The following CXCL10 variants were observed in gnomAD, a reference collection of about 807,000 sequenced individuals.
The protein encoded by CXCL10 is C-X-C motif chemokine 10.
Under a neutral mutation model 10.8 loss-of-function variants are expected in CXCL10, and 6 were observed. That is an observed-to-expected ratio of 0.55 (90% CI 0.30 to 1.09). The LOEUF is 1.09. Among genes scored for constraint, CXCL10 ranks in the 50% least tolerant of loss-of-function variants. CXCL10 has a pLI of 0.06. For synonymous variants in CXCL10, 35 were observed against 35.8 expected (o/e 0.98, Z 0.08); for missense variants, 114 against 114.3 (o/e 1.00, Z 0.01).
At position 76,021,833 on chromosome 4, in the gene CXCL10, G is replaced by A; in HGVS notation, c.*97C>T. The A allele has an allele frequency of 1.7e-6, 2 of 1,187,276 alleles. No individual in the cohort carries two copies. The highest frequency in any genetic ancestry group is 2.5e-6 in the Non-Finnish European group (2 of 796,194). 73.5% of individuals were successfully genotyped at this position (1,187,276 alleles called of 1,614,324 possible). On this transcript the variant is annotated 3_prime_UTR_variant, in exon 4 of 4. Transcript: ENST00000306602. ...GTAACTGCAAACTAAGAACAATTAT[G>A]GCTTGACATATACTCCATGTAGGGA...
chr4:76,022,087 G>A, intron 3 of CXCL10, 139 bp from the exon 4 acceptor site: 1 of 871,758 alleles, frequency 1.1e-6, no homozygotes, highest in Non-Finnish European at 1.9e-6. Flanking sequence ...GATTATAGGG[G>A]TTGCTTTTTT....
intron 1 of CXCL10, among the ~76,000 whole-genome samples, chr4:76,023,162 T>C (rs1214867217): frequency 6.6e-6 from 1 of 152,180 alleles, no homozygotes; most frequent in African/African-American, 2.4e-5. Context: ...CTGTCCTCCT[T>C]CCCTTTTTCC....
intron 1 of CXCL10, 24 bp from the exon 2 acceptor site, chr4:76,022,841 A>G: frequency 1.2e-6 from 2 of 1,602,322 alleles, no homozygotes; most frequent in Non-Finnish European, 1.7e-6. Flanking sequence ...GGAACAGCAG[A>G]GAAGGTTAGC....
chr4:76,022,860 C>A (rs1323316771), intron 1 of CXCL10, 43 bp from the exon 2 acceptor site: 3 of 1,576,266 alleles, frequency 1.9e-6, no homozygotes, highest in South Asian at 2.3e-5. Context: ...GCACAGTGTT[C>A]ATTTTAGGCA....
At chr4:76,022,308 A>G (rs1474700718) in intron 3 of CXCL10, 58 bp downstream of exon 3, 6 of 1,381,446 alleles carry the variant, frequency 4.3e-6, no homozygotes, top group Admixed American at 1.7e-5. Context: ...AGTATTTCTG[A>G]CTCCCAAGAT....
chr4:76,022,620 T>G, intron 2 of CXCL10, 71 bp downstream of exon 2: 1 of 1,516,142 alleles, frequency 6.6e-7, no homozygotes, highest in Non-Finnish European at 9.0e-7. Flanking sequence ...TCTTTTTTTA[T>G]TATCATTACA....
chr4:76,021,582 T>G lies in CXCL10; in HGVS notation c.*348A>C, dbSNP rs1732816209. 1 of 236,824 alleles carries G rather than the reference T, an allele frequency of 4.2e-6. No homozygotes were observed. The highest frequency in any genetic ancestry group is 8.5e-5 in the East Asian group (1 of 11,788). 14.7% of individuals were successfully genotyped at this position (236,824 alleles called of 1,614,324 possible). On this transcript the variant is annotated 3_prime_UTR_variant, in exon 4 of 4. Transcript: ENST00000306602. ...TTATTTGAGATTCTGAGAATTCTGA[T>G]AAACCCCAAAGCAGAAAGATTCCTT...
chr4:76,022,800 T>G lies in CXCL10; in HGVS notation c.79A>C (p.Thr27Pro). 1 of 1,610,830 alleles carries G rather than the reference T, an allele frequency of 6.2e-7. No individual in the cohort carries two copies. Among genetic ancestry groups the G allele is most frequent in the Admixed American group, 1.7e-5 (1 of 60,004 alleles). Reference protein sequence around the residue: ...SGIQGVPLSRTVRCTCISISN... With the variant: ...SGIQGVPLSRPVRCTCISISN... ...ATGCTGATGCAGGTACAGCGTACAG[T>G]TCTAGAGAGAGGTACTCCTGTAGGA... Residue 27 changes from threonine (T) to proline (P), a missense_variant, in exon 2 of 4, where the codon ACT becomes CCT. Thr to Pro is a conservative substitution (Grantham distance 38, BLOSUM62 -1). Transcript: ENST00000306602.
At chr4:76,021,979 T>G (rs565041219) in intron 3 of CXCL10, 31 bp from the exon 4 acceptor site, 1 of 1,589,928 alleles carries the variant, frequency 6.3e-7, no homozygotes, top group African/African-American at 1.3e-5. Context: ...TATAAAAGTG[T>G]GATAGTCTGA....
intron 3 of CXCL10, 92 bp downstream of exon 3, chr4:76,022,274 G>A (rs1040514222): frequency 3.9e-6 from 4 of 1,038,066 alleles, no homozygotes; most frequent in African/African-American, 1.6e-5. Context: ...TTAAACCAGC[G>A]ATTGCACAGC....
At position 76,021,691 on chromosome 4, in the gene CXCL10, GC is replaced by G; in HGVS notation, c.*238del. 1 of 538,568 alleles carries G rather than the reference GC, an allele frequency of 1.9e-6. No individual in the cohort carries two copies. Among genetic ancestry groups the G allele is most frequent in the Non-Finnish European group, 3.3e-6 (1 of 300,198 alleles). The allele number at this position is 538,568 out of a possible 1,614,324, so 33.4% of individuals were successfully genotyped here. A position where few individuals can be genotyped will look rare whatever the true frequency, so the allele number is the denominator to read the frequency against. On this transcript the variant is annotated 3_prime_UTR_variant, in exon 4 of 4. Coordinates refer to ENST00000306602, the MANE Select transcript of CXCL10 (RefSeq NM_001565.4). ...ACTAAGAACATAGCACCTCAGTAGA[GC>G]TTACATTATAGTGCCAGGGTAGAGT...
At chr4:76,023,301 T>C in intron 1 of CXCL10, 70 bp downstream of exon 1, 1 of 1,208,814 alleles carries the variant, frequency 8.3e-7, no homozygotes. Flanking sequence ...ACATTATTTC[T>C]GTATTTTTAG....
chr4:76,022,495 T>C, intron 2 of CXCL10, 40 bp from the exon 3 acceptor site: 3 of 1,583,572 alleles, frequency 1.9e-6, no homozygotes, highest in Non-Finnish European at 2.6e-6. Context: ...TAAAACTGTG[T>C]TGGGTCAATA....
At position 76,023,365 on chromosome 4, in the gene CXCL10, C is replaced by G; in HGVS notation, c.61+6G>C. 1.2e-6 allele frequency: 2 copies of G among 1,606,336 alleles called. No individual in the cohort carries two copies. The highest frequency in any genetic ancestry group is 1.7e-6 in the Non-Finnish European group (2 of 1,173,060). Reference sequence around the variant, plus strand: ...TACAAATTAAGTATCCTTTGATGTTCCTTACCTTGAATGCCACTTAGAGTC... The same window carrying G: ...TACAAATTAAGTATCCTTTGATGTTGCTTACCTTGAATGCCACTTAGAGTC... On this transcript the variant is annotated splice_donor_region_variant and intron_variant, in intron 1 of 3. Coordinates refer to ENST00000306602, the MANE Select transcript of CXCL10 (RefSeq NM_001565.4).
At chr4:76,022,319 T>G (rs573246567) in intron 3 of CXCL10, 47 bp downstream of exon 3, 1 of 1,473,044 alleles carries the variant, frequency 6.8e-7, no homozygotes, top group East Asian at 2.3e-5. Context: ...CTCCCAAGAT[T>G]GCCGTTTCCT....
chr4:76,022,542 T>C, intron 2 of CXCL10, 87 bp from the exon 3 acceptor site: 1 of 1,485,924 alleles, frequency 6.7e-7, no homozygotes, highest in Non-Finnish European at 9.3e-7. Context: ...GTCAGACATT[T>C]AAGTTTCACT....
At chr4:76,022,967 T>C (rs1034228137) in intron 1 of CXCL10, 150 bp from the exon 2 acceptor site, 1 of 766,642 alleles carries the variant, frequency 1.3e-6, no homozygotes, top group African/African-American at 1.8e-5. Context: ...ATAACACAAC[T>C]GTAAATGATT....
At position 76,021,524 on chromosome 4, in the gene CXCL10, T is replaced by C. The variant is rs35795399; in HGVS notation, c.*406A>G. On this transcript the variant is annotated 3_prime_UTR_variant, in exon 4 of 4. Coordinates refer to ENST00000306602, the MANE Select transcript of CXCL10 (RefSeq NM_001565.4). ...GAAGTCCATGAAGTAAAGAGCATTC[T>C]TTAAAAAGCAGATTTGATTGCATAC... The C allele has an allele frequency of 0.015, 2,554 of 172,580 alleles. 34 individuals carry two copies. Among genetic ancestry groups the C allele is most frequent in the Non-Finnish European group, 0.022 (1,785 of 81,686 alleles). The allele number at this position is 172,580 out of a possible 1,614,324, so 10.7% of individuals were successfully genotyped here. A position where few individuals can be genotyped will look rare whatever the true frequency, so the allele number is the denominator to read the frequency against.
rs201821887 is a variant in CXCL10, at chr4:76,023,387, A to G, written c.45T>C (p.Thr15=). The change falls in exon 1 of 4, where the codon ACT becomes ACC. Residue 15 remains threonine, a synonymous_variant. Transcript: ENST00000306602. ...GTTCCTTACCTTGAATGCCACTTAGAGTCAGAAAGATAAGGCAGCAAATCA... is the reference window on the plus strand; with the variant it reads ...GTTCCTTACCTTGAATGCCACTTAGGGTCAGAAAGATAAGGCAGCAAATCA... The part of the protein sequence containing the change: ...AILICCLIFL[T]LSGIQGVPLS... 1.6e-4 allele frequency: 254 copies of G among 1,613,610 alleles called. 1 individual carries two copies. The highest frequency in any genetic ancestry group is 5.0e-5 in the Admixed American group (3 of 60,004).
Sources: allele counts gnomAD v4.1 joint callset (sites outside exome capture counted in the v4.1 genomes callset), GRCh38; gene constraint gnomAD v4.1.1; transcripts MANE v1.5; gene names NCBI Gene and HGNC (gene_info 2026-07-23, HGNC 2026-07-21).